Variants in IL1RAPL1 observed in about 807,000 individuals in gnomAD.
The protein encoded by IL1RAPL1 is interleukin-1 receptor accessory protein-like 1.
In IL1RAPL1, 3 loss-of-function variants were observed where a neutral mutation model predicts 48.4. That is an observed-to-expected ratio of 0.06 (90% CI 0.03 to 0.16). The LOEUF is 0.16. Among genes scored for constraint, IL1RAPL1 ranks in the 10% least tolerant of loss-of-function variants. The pLI, the probability that IL1RAPL1 is intolerant of heterozygous loss-of-function variation, is 1.00. For missense variants in IL1RAPL1, 349 were observed against 530.6 expected, an observed-to-expected ratio of 0.66 and a Z score of 3.36; for synonymous variants, 185 against 187.7, an observed-to-expected ratio of 0.99 and a Z score of 0.12.
chrX:29,551,774 T>G (rs1921823625), intron 5 of IL1RAPL1, among the ~76,000 whole-genome samples: 1 of 109,630 alleles, frequency 9.1e-6, no homozygotes, highest in Non-Finnish European at 1.9e-5. Context: ...AGGTCTCTCT[T>G]TCACCCCACC....
chrX:29,069,085 C>T (rs963696788), intron 2 of IL1RAPL1, among the ~76,000 whole-genome samples: 1 of 112,063 alleles, frequency 8.9e-6, no homozygotes, highest in Non-Finnish European at 1.9e-5. Context: ...AAGATTCAAG[C>T]ACCCAGCTTT....
At chrX:29,593,445 A>G (rs1923445952) in intron 5 of IL1RAPL1, among the ~76,000 whole-genome samples, 1 of 112,135 alleles carries the variant, frequency 8.9e-6, no homozygotes, top group Non-Finnish European at 1.9e-5. Flanking sequence ...TATAGAGTAC[A>G]TCACTCTAGG....
intron 2 of IL1RAPL1, among the ~76,000 whole-genome samples, chrX:28,988,115 A>G (rs1446463765): frequency 2.9e-5 from 3 of 104,333 alleles, no homozygotes; most frequent in Admixed American, 1.1e-4. Context: ...AAGTTTGCCT[A>G]CACTCTCCTT....
At chrX:29,848,197 A>G (rs1601850353) in intron 6 of IL1RAPL1, among the ~76,000 whole-genome samples, 2 of 111,780 alleles carry the variant, frequency 1.8e-5, no homozygotes, top group South Asian at 7.5e-4. Flanking sequence ...AACATTTGTT[A>G]TCACAATCAT....
At chrX:28,907,358 G>A (rs369285762) in intron 2 of IL1RAPL1, among the ~76,000 whole-genome samples, 9 of 111,725 alleles carry the variant, frequency 8.1e-5, no homozygotes, top group African/African-American at 2.3e-4. Flanking sequence ...GGGTTTGAGC[G>A]ATTCTTGTGC....
chrX:29,917,973 A>AT (rs1172105589), intron 7 of IL1RAPL1, among the ~76,000 whole-genome samples: 1 of 101,571 alleles, frequency 9.8e-6, no homozygotes, highest in Non-Finnish European at 2.0e-5. Flanking sequence ...AAATACAAAA[A>AT]TTAGCCAGGC....
At chrX:29,803,621 A>G (rs1447407166) in intron 6 of IL1RAPL1, among the ~76,000 whole-genome samples, 1 of 103,310 alleles carries the variant, frequency 9.7e-6, no homozygotes, top group Non-Finnish European at 2.0e-5. Flanking sequence ...GTGTGTATAT[A>G]TGTATATATG....
chrX:28,846,114 A>G (rs768807313), intron 2 of IL1RAPL1, among the ~76,000 whole-genome samples: 11 of 112,027 alleles, frequency 9.8e-5, no homozygotes, highest in South Asian at 3.7e-4. Flanking sequence ...GCAAATACTG[A>G]TATTTTCCTG....
intron 2 of IL1RAPL1, among the ~76,000 whole-genome samples, chrX:29,038,946 AATATGC>A (rs1427471956): frequency 9.0e-6 from 1 of 111,470 alleles, no homozygotes; most frequent in East Asian, 2.8e-4. Flanking sequence ...ACTCTAAAGC[AATATGC>A]ATATAGAAAA....
At chrX:28,697,493 A>T (rs1935246739) in intron 1 of IL1RAPL1, among the ~76,000 whole-genome samples, 1 of 111,063 alleles carries the variant, frequency 9.0e-6, no homozygotes. Flanking sequence ...TAATATTTTT[A>T]AAAATTTGTA....
intron 2 of IL1RAPL1, among the ~76,000 whole-genome samples, chrX:29,052,654 A>T (rs1415656898): frequency 9.3e-6 from 1 of 107,546 alleles, no homozygotes; most frequent in East Asian, 2.9e-4. Flanking sequence ...TGTAAGTGAG[A>T]TCATTCAATA....
intron 5 of IL1RAPL1, among the ~76,000 whole-genome samples, chrX:29,630,158 C>A (rs981262180): frequency 1.8e-5 from 2 of 111,284 alleles, no homozygotes; most frequent in Admixed American, 1.9e-4. Context: ...ACAGCCCTCC[C>A]TCACATGGTG....
intron 5 of IL1RAPL1, among the ~76,000 whole-genome samples, chrX:29,508,192 A>C (rs993858693): frequency 1.8e-5 from 2 of 111,624 alleles, no homozygotes; most frequent in Non-Finnish European, 3.8e-5. Context: ...TCATTAATGC[A>C]CATAAGAAAC....
intron 1 of IL1RAPL1, among the ~76,000 whole-genome samples, chrX:28,736,650 T>G (rs1279376778): frequency 8.9e-6 from 1 of 111,833 alleles, no homozygotes; most frequent in Non-Finnish European, 1.9e-5. Flanking sequence ...TCCCCATTGT[T>G]CTTAATGGCA....
chrX:29,056,725 G>A (rs1338640552), intron 2 of IL1RAPL1, among the ~76,000 whole-genome samples: 1 of 111,212 alleles, frequency 9.0e-6, no homozygotes, highest in Non-Finnish European at 1.9e-5. Context: ...TCTACCTATC[G>A]ACCTATCCCC....
intron 5 of IL1RAPL1, among the ~76,000 whole-genome samples, chrX:29,662,062 A>G (rs1187041345): frequency 9.0e-6 from 1 of 111,236 alleles, no homozygotes; most frequent in Non-Finnish European, 1.9e-5. Context: ...AAACTCTCCA[A>G]AGCATTCCTC....
intron 2 of IL1RAPL1, among the ~76,000 whole-genome samples, chrX:29,230,537 C>CAAAAAAAAAAAAAA: frequency 3.7e-5 from 1 of 27,186 alleles, no homozygotes; most frequent in South Asian, 1.2e-3. Flanking sequence ...AAAAAAAAAC[C>CAAAAAAAAAAAAAA]TTGTTGTCTC....
chrX:29,436,274 A>C (rs1934480638), intron 5 of IL1RAPL1, among the ~76,000 whole-genome samples: 1 of 110,338 alleles, frequency 9.1e-6, no homozygotes, highest in African/African-American at 3.3e-5. Flanking sequence ...ATATTATAGT[A>C]ATTTTCATCA....
chrX:29,688,890 A>C (rs1926705427), intron 6 of IL1RAPL1, among the ~76,000 whole-genome samples: 1 of 109,749 alleles, frequency 9.1e-6, no homozygotes, highest in African/African-American at 3.3e-5. Context: ...ATTACCAAAA[A>C]CTATCCATTA....
Sources: allele counts gnomAD v4.1 joint callset (sites outside exome capture counted in the v4.1 genomes callset), GRCh38; gene constraint gnomAD v4.1.1; transcripts MANE v1.5; gene names NCBI Gene and HGNC (gene_info 2026-07-23, HGNC 2026-07-21).